The following RARB variants were observed in gnomAD, a reference collection of about 807,000 sequenced individuals.
RARB encodes the protein retinoic acid receptor beta.
RARB carries 17 observed loss-of-function variants against 51.9 expected under a neutral mutation model. That is an observed-to-expected ratio of 0.33 (90% CI 0.22 to 0.49). The LOEUF is 0.49. Among genes scored for constraint, RARB ranks in the 20% least tolerant of loss-of-function variants. The probability of loss-of-function intolerance (pLI) is 0.99; values close to 1 mark genes in which losing one functional copy is unlikely to be tolerated. For synonymous variants in RARB, 215 were observed against 195.4 expected, an observed-to-expected ratio of 1.10 and a Z score of -0.84; for missense variants, 369 against 550.8, an observed-to-expected ratio of 0.67 and a Z score of 3.30.
Position 25,460,506 on chromosome 3 carries a change from C to T in RARB, c.158-687C>T, listed in dbSNP as rs1019591260. 6.6e-5 allele frequency among the ~76,000 whole-genome samples: 10 copies of T among 151,494 alleles called. No individual in the cohort carries two copies. The East Asian group carries it at 7.8e-4, about 12-fold the overall frequency. On this transcript the variant is annotated intron_variant, in intron 1 of 7. Transcript: ENST00000330688. ...TCTGTTGCCCAGGCTGGAGTTCAGT[C>T]GTACGATTTCAGCTCACTGCAACCT...
rs537582730 is a variant in RARB, at chr3:25,031,679, A to T, written c.-379-28446A>T. On this transcript the variant is annotated intron_variant, in intron 2 of 11. Coordinates refer to the RARB transcript ENST00000383772. ...TAGCAAGCACTTGGGGTAGTGACCC[A>T]GGGAAGGGAACTGTCTATGGAGTTG... 7.2e-5 allele frequency among the ~76,000 whole-genome samples: 11 copies of T among 152,326 alleles called. No individual in the cohort carries two copies. In the South Asian group the frequency reaches 1.0e-3, roughly 14 times the overall value.
At chr3:25,144,798 T>G (rs891288844) in intron 4 of RARB, among the ~76,000 whole-genome samples, 2 of 152,202 alleles carry the variant, frequency 1.3e-5, no homozygotes, top group African/African-American at 2.4e-5. Context: ...GATCAGCCCG[T>G]ATACCTCGAG....
chr3:25,233,512 T>G (rs1232729493), intron 5 of RARB, among the ~76,000 whole-genome samples: 1 of 152,166 alleles, frequency 6.6e-6, no homozygotes, highest in Non-Finnish European at 1.5e-5. Context: ...ATTTCTTCCC[T>G]TCTAATCTGT....
chr3:25,302,242 G>T (rs1575296002), intron 5 of RARB, among the ~76,000 whole-genome samples: 1 of 152,122 alleles, frequency 6.6e-6, no homozygotes, highest in South Asian at 2.1e-4. Context: ...GTTAAACAAA[G>T]ATTAAGCATA....
rs1026349110 is a variant in RARB, at chr3:25,078,891, T to C, written c.-328+18715T>C. Among the ~76,000 whole-genome samples the C allele has an allele frequency of 4.1e-4, 62 of 152,194 alleles. 1 individual carries two copies. The highest frequency in any genetic ancestry group is 2.3e-3 in the Admixed American group (35 of 15,270). On this transcript the variant is annotated intron_variant, in intron 3 of 11. Coordinates refer to the RARB transcript ENST00000383772. Reference sequence around the variant, plus strand: ...ATTCTGGGTTCTTTGCATTTTTATATAAATTTTAGAATCAGCTTGTCGAAC... The same window carrying C: ...ATTCTGGGTTCTTTGCATTTTTATACAAATTTTAGAATCAGCTTGTCGAAC...
intron 2 of RARB, among the ~76,000 whole-genome samples, chr3:24,992,523 A>G (rs1253443972): frequency 2.0e-5 from 3 of 152,196 alleles, no homozygotes; most frequent in Non-Finnish European, 4.4e-5. Flanking sequence ...TTTCATGGCT[A>G]TAAATTGTGT....
At chr3:24,932,831 C>A (rs549539535) in intron 2 of RARB, among the ~76,000 whole-genome samples, 155 of 152,088 alleles carry the variant, frequency 1.0e-3, no homozygotes, top group Non-Finnish European at 1.1e-3. Context: ...CACTGACTTA[C>A]AGAATTCATG....
At chr3:25,231,345 C>T (rs906282357) in intron 5 of RARB, among the ~76,000 whole-genome samples, 2 of 152,176 alleles carry the variant, frequency 1.3e-5, no homozygotes, top group African/African-American at 4.8e-5. Flanking sequence ...TTGTATCACA[C>T]TGACCTTTCC....
At chr3:25,174,972 T>C (rs1700715188) in intron 5 of RARB, among the ~76,000 whole-genome samples, 1 of 152,214 alleles carries the variant, frequency 6.6e-6, no homozygotes, top group African/African-American at 2.4e-5. Flanking sequence ...GGTTGTGAGA[T>C]CTTCTCTGAA....
At chr3:24,980,455 G>A (rs953401055) in intron 2 of RARB, among the ~76,000 whole-genome samples, 1 of 152,040 alleles carries the variant, frequency 6.6e-6, no homozygotes, top group Non-Finnish European at 1.5e-5. Context: ...ATTTCTTGGA[G>A]GCTTTATTTG....
At chr3:25,239,654 G>T (rs1039897966) in intron 5 of RARB, among the ~76,000 whole-genome samples, 1 of 152,060 alleles carries the variant, frequency 6.6e-6, no homozygotes, top group African/African-American at 2.4e-5. Context: ...TGTTCCGTTG[G>T]TCTGCGCATC....
At chr3:25,532,414 C>T (rs921983127) in intron 3 of RARB, among the ~76,000 whole-genome samples, 5 of 152,096 alleles carry the variant, frequency 3.3e-5, no homozygotes, top group South Asian at 2.1e-4. Context: ...GGGCAGGAGA[C>T]GAAAGGAGAG....
chr3:25,369,157 G>T (rs555477593), intron 5 of RARB, among the ~76,000 whole-genome samples: 4 of 152,156 alleles, frequency 2.6e-5, no homozygotes, highest in African/African-American at 9.6e-5. Flanking sequence ...TAATCACAGA[G>T]AACTCAAAAA....
chr3:25,053,206 T>C (rs1391536421), intron 2 of RARB, among the ~76,000 whole-genome samples: 1 of 152,166 alleles, frequency 6.6e-6, no homozygotes, highest in Non-Finnish European at 1.5e-5. Context: ...GTGTGGCTTA[T>C]GACAAGGTTT....
chr3:25,007,670 C>T (rs896782055), intron 2 of RARB, among the ~76,000 whole-genome samples: 1 of 148,532 alleles, frequency 6.7e-6, no homozygotes, highest in Non-Finnish European at 1.5e-5. Flanking sequence ...AGAATACTTT[C>T]AAAAGTTCTA....
chr3:25,095,501 G>A (rs2125318803), intron 3 of RARB, among the ~76,000 whole-genome samples: 1 of 152,226 alleles, frequency 6.6e-6, no homozygotes, highest in South Asian at 2.1e-4. Context: ...AACCCCCTTG[G>A]CCATACATCC....
intron 5 of RARB, among the ~76,000 whole-genome samples, chr3:25,590,603 C>T (rs1276082681): frequency 2.0e-5 from 3 of 152,260 alleles, no homozygotes; most frequent in South Asian, 2.1e-4. Context: ...TCACTGCAAC[C>T]TCCCCCTCCC....
At chr3:25,496,628 C>T (rs996841133) in intron 2 of RARB, among the ~76,000 whole-genome samples, 3 of 152,158 alleles carry the variant, frequency 2.0e-5, no homozygotes, top group Admixed American at 6.6e-5. Context: ...CTAAAGCAGA[C>T]AGTGGTATTG....
intron 5 of RARB, among the ~76,000 whole-genome samples, chr3:25,322,500 C>T (rs1387984533): frequency 6.6e-6 from 1 of 152,142 alleles, no homozygotes; most frequent in Non-Finnish European, 1.5e-5. Flanking sequence ...TACACATTGG[C>T]ACACATATAT....
Sources: allele counts gnomAD v4.1 joint callset (sites outside exome capture counted in the v4.1 genomes callset), GRCh38; gene constraint gnomAD v4.1.1; transcripts MANE v1.5; gene names NCBI Gene and HGNC (gene_info 2026-07-23, HGNC 2026-07-21).